RERE: variants seen among roughly 807,000 people sequenced by gnomAD.
RERE encodes the protein arginine-glutamic acid dipeptide repeats.
RERE carries 40 observed loss-of-function variants against 146.1 expected under a neutral mutation model. The ratio of observed to expected loss-of-function variants is 0.27; its 90% CI spans 0.21 to 0.36. The LOEUF (loss-of-function observed/expected upper bound fraction) is 0.36. Ranked by LOEUF, RERE falls within the 10% of genes least tolerant of loss-of-function variation. The pLI is 1.00. For missense variants in RERE, 1,933 were observed against 2,138.7 expected, an observed-to-expected ratio of 0.90 and a Z score of 1.90; for synonymous variants, 1,003 against 866.0, an observed-to-expected ratio of 1.16 and a Z score of -2.78.
chr1:8,509,253 C>G (rs772072091), intron 7 of RERE, among the ~76,000 whole-genome samples: 1 of 152,074 alleles, frequency 6.6e-6, no homozygotes, highest in Non-Finnish European at 1.5e-5. Flanking sequence ...GGCCCCTATA[C>G]CATCATTCTT....
At chr1:8,645,751 A>G (rs1421628463) in intron 2 of RERE, among the ~76,000 whole-genome samples, 1 of 152,244 alleles carries the variant, frequency 6.6e-6, no homozygotes, top group Non-Finnish European at 1.5e-5. Flanking sequence ...TGTCTCAAAT[A>G]TCACTTCCCA....
At chr1:8,721,376 A>G (rs1639860758) in intron 1 of RERE, among the ~76,000 whole-genome samples, 1 of 152,026 alleles carries the variant, frequency 6.6e-6, no homozygotes, top group Admixed American at 6.5e-5. Context: ...CAGTGGCCCA[A>G]CCTCGGCTCA....
At chr1:8,785,333 C>T (rs1455092028) in intron 1 of RERE, among the ~76,000 whole-genome samples, 1 of 152,216 alleles carries the variant, frequency 6.6e-6, no homozygotes, top group African/African-American at 2.4e-5. Flanking sequence ...CTAAACAGGT[C>T]TAGGCTAATA....
rs1471734351 is a variant in RERE at position 8,763,525 on chromosome 1, C to G, written c.-145+53635G>C. ...AGGCGCACGCCTGTAATCCCAGCCA[C>G]TCAGGAGGCTAAGGCAGGGGAATCA... On this transcript the variant is annotated intron_variant, in intron 1 of 22. Transcript: ENST00000400908. Among the ~76,000 whole-genome samples, 3 of 152,316 alleles carry G rather than the reference C, an allele frequency of 2.0e-5. No individual in the cohort carries two copies. The East Asian group carries it at 5.8e-4, about 29-fold the overall frequency.
At chr1:8,674,500 G>A (rs74050269) in intron 1 of RERE, among the ~76,000 whole-genome samples, 3,943 of 152,242 alleles carry the variant, frequency 0.026, 156 homozygotes, top group African/African-American at 0.089. Context: ...CATTTCTTCC[G>A]CAAGCCAGCG....
Position 8,360,456 on chromosome 1 carries a change from A to C in RERE, c.3051T>G (p.Pro1017=). The C allele has an allele frequency of 2.2e-5, 1 of 44,814 alleles. No homozygotes were observed. Among genetic ancestry groups the C allele is most frequent in the Non-Finnish European group, 3.8e-5 (1 of 26,130 alleles). 2.8% of individuals were successfully genotyped at this position (44,814 alleles called of 1,614,324 possible). ...GGAGGCCTGTAGGGGGGTGGGAGGC[A>C]GGGGGCGGGGGCAGGTTCTGGCTCT... is the stretch of plus-strand genomic sequence containing the variant. ...LTQSQNLPPP[P]ASHPPTGLHQ... is the part of the protein sequence containing the mutation. Residue 1017 remains proline (P), a synonymous_variant, in exon 18 of 23, where the codon CCT becomes CCG. Coordinates refer to ENST00000400908, the MANE Select transcript of RERE (RefSeq NM_001042681.2).
chr1:8,721,462 C>G (rs1422940475), intron 1 of RERE, among the ~76,000 whole-genome samples: 1 of 152,146 alleles, frequency 6.6e-6, no homozygotes, highest in South Asian at 2.1e-4. Context: ...AAGGTGCCCA[C>G]TACCACACCC....
chr1:8,604,308 G>C (rs1412906998), intron 4 of RERE, among the ~76,000 whole-genome samples: 1 of 152,150 alleles, frequency 6.6e-6, no homozygotes, highest in African/African-American at 2.4e-5. Context: ...GCAGTTCCCT[G>C]AACTACTCTT....
At chr1:8,428,661 G>A (rs531276940) in intron 11 of RERE, 4 of 152,030 alleles carry the variant, frequency 2.6e-5, no homozygotes, top group South Asian at 4.2e-4. Context: ...TTGCATTTTC[G>A]CTACAGTGGA....
At chr1:8,450,441 C>T (rs537656555) in intron 11 of RERE, among the ~76,000 whole-genome samples, 4 of 152,064 alleles carry the variant, frequency 2.6e-5, no homozygotes, top group South Asian at 2.1e-4. Flanking sequence ...GCATAGCACA[C>T]GCTTCCTTCC....
rs1452738920 is a variant in RERE at position 8,786,685 on chromosome 1, G to C, written c.-145+30475C>G. ...GATGACAAAGGCCAATTTGGGTTCTGCAGGTACACAGAAGTTGCCAGCTTT... is the reference window on the plus strand; with the variant it reads ...GATGACAAAGGCCAATTTGGGTTCTCCAGGTACACAGAAGTTGCCAGCTTT... On this transcript the variant is annotated intron_variant, in intron 1 of 22. Transcript: ENST00000400908. The C allele has an allele frequency of 6.4e-6, 5 of 786,204 alleles. No homozygotes were observed. In the African/African-American group the frequency reaches 8.4e-5, roughly 13 times the overall value. 48.7% of individuals were successfully genotyped at this position (786,204 alleles called of 1,614,324 possible).
intron 1 of RERE, among the ~76,000 whole-genome samples, chr1:8,714,195 G>A (rs565505307): frequency 2.0e-5 from 3 of 152,250 alleles, no homozygotes; most frequent in African/African-American, 7.2e-5. Flanking sequence ...AGAGAGGATT[G>A]AACTACTGCC....
intron 1 of RERE, among the ~76,000 whole-genome samples, chr1:8,713,933 C>T (rs1051117385): frequency 2.0e-5 from 3 of 151,846 alleles, no homozygotes; most frequent in Non-Finnish European, 4.4e-5. Flanking sequence ...TGGAATTAAA[C>T]GTTATATTAT....
At chr1:8,697,952 C>T (rs1362003996) in intron 1 of RERE, among the ~76,000 whole-genome samples, 1 of 152,102 alleles carries the variant, frequency 6.6e-6, no homozygotes, top group African/African-American at 2.4e-5. Context: ...AGAATGTCAT[C>T]ACACAAGACT....
chr1:8,601,671 C>CACACACACA (rs1468928033), intron 4 of RERE, among the ~76,000 whole-genome samples: 1 of 132,750 alleles, frequency 7.5e-6, no homozygotes, highest in Non-Finnish European at 1.6e-5. Context: ...CACACACACA[C>CACACACACA]ATCTTCCTTC....
At chr1:8,578,025 A>G (rs1646317447) in intron 4 of RERE, among the ~76,000 whole-genome samples, 1 of 148,808 alleles carries the variant, frequency 6.7e-6, no homozygotes, top group Admixed American at 6.7e-5. Flanking sequence ...TGGGAGGCAG[A>G]GGTTGCAGTG....
intron 4 of RERE, among the ~76,000 whole-genome samples, chr1:8,611,580 A>G (rs1646794059): frequency 1.3e-5 from 2 of 152,220 alleles, no homozygotes; most frequent in African/African-American, 2.4e-5. Context: ...CTGTCCTACT[A>G]TGTGTGTTAA....
intron 1 of RERE, among the ~76,000 whole-genome samples, chr1:8,706,244 A>G (rs114037777): frequency 0.028 from 4,280 of 152,102 alleles, 78 homozygotes; most frequent in South Asian, 0.039. Flanking sequence ...CTTTGAGCCT[A>G]GGAGTTTGAG....
chr1:8,539,224 A>C (rs1570409716), intron 7 of RERE, among the ~76,000 whole-genome samples: 1 of 152,204 alleles, frequency 6.6e-6, no homozygotes. Flanking sequence ...TTTACAATTT[A>C]CCTGGGCAAC....
Sources: allele counts gnomAD v4.1 joint callset (sites outside exome capture counted in the v4.1 genomes callset), GRCh38; gene constraint gnomAD v4.1.1; transcripts MANE v1.5; gene names NCBI Gene and HGNC (gene_info 2026-07-23, HGNC 2026-07-21).